MARCHF11: variants seen among roughly 807,000 people sequenced by gnomAD.
MARCHF11 encodes the protein membrane associated ring-CH-type finger 11, also known as E3 ubiquitin-protein ligase MARCHF11.
In MARCHF11, 29 loss-of-function variants were observed where a neutral mutation model predicts 37.3. That is an observed-to-expected ratio of 0.78 (90% confidence interval 0.58 to 1.06). MARCHF11 has a LOEUF of 1.06. MARCHF11 is among the 50% of genes least tolerant of loss of function. The pLI, the probability that MARCHF11 is intolerant of heterozygous loss-of-function variation, is 0.00. For missense variants in MARCHF11, 482 were observed against 533.4 expected (o/e 0.90, Z 0.95); for synonymous variants, 233 against 228.0 (o/e 1.02, Z -0.20).
chr5:16,145,236 A>C (rs2126594226), intron 2 of MARCHF11, among the ~76,000 whole-genome samples: 1 of 152,266 alleles, frequency 6.6e-6, no homozygotes, highest in East Asian at 1.9e-4. Context: ...GTCCCCCAAA[A>C]TTCATGTGTT....
chr5:16,128,020 T>A (rs546580711), intron 2 of MARCHF11, among the ~76,000 whole-genome samples: 1 of 152,324 alleles, frequency 6.6e-6, no homozygotes, highest in South Asian at 2.1e-4. Flanking sequence ...CCAGGAACTC[T>A]GTGCCTGCCC....
At chr5:16,137,813 C>T (rs1737632195) in intron 2 of MARCHF11, among the ~76,000 whole-genome samples, 1 of 152,192 alleles carries the variant, frequency 6.6e-6, no homozygotes, top group Non-Finnish European at 1.5e-5. Context: ...GGCATTTTGC[C>T]CCTGCCCTAG....
At chr5:16,089,833 G>C (rs1012324759) in intron 3 of MARCHF11, among the ~76,000 whole-genome samples, 20 of 151,990 alleles carry the variant, frequency 1.3e-4, no homozygotes, top group African/African-American at 4.8e-4. Context: ...CCTTTATTTA[G>C]ACTTGCATGG....
At chr5:16,137,997 T>C (rs972026268) in intron 2 of MARCHF11, among the ~76,000 whole-genome samples, 2 of 152,154 alleles carry the variant, frequency 1.3e-5, no homozygotes, top group Non-Finnish European at 2.9e-5. Context: ...AAGCAGAGCA[T>C]AAAAGTTCAG....
At chr5:16,076,400 T>C (rs183728527) in intron 3 of MARCHF11, among the ~76,000 whole-genome samples, 1 of 152,346 alleles carries the variant, frequency 6.6e-6, no homozygotes, top group East Asian at 1.9e-4. Flanking sequence ...GATATGTTTT[T>C]TCAATAAAAG....
At chr5:16,087,511 T>A (rs1736718354) in intron 3 of MARCHF11, among the ~76,000 whole-genome samples, 1 of 152,244 alleles carries the variant, frequency 6.6e-6, no homozygotes, top group African/African-American at 2.4e-5. Flanking sequence ...CACTTGTGGC[T>A]ATTTAAATTA....
chr5:16,145,117 G>A (rs1353604856), intron 2 of MARCHF11, among the ~76,000 whole-genome samples: 1 of 152,158 alleles, frequency 6.6e-6, no homozygotes, highest in Non-Finnish European at 1.5e-5. Context: ...TGCACTTACT[G>A]TGTAATTTCA....
In MARCHF11 at chr5:16,067,674, C is replaced by T. The variant is rs1287361551; in HGVS notation, c.1006G>A (p.Gly336Arg). ...KATDIEESSRGESSTSRTLWL... is the reference protein window; with the variant it reads ...KATDIEESSRRESSTSRTLWL... ...AAAGTCCTACTTGTGGAAGACTCTC[C>T]CCGGCTGCTTTCTTCGATGTCTGTG... The change falls in exon 4 of 4, where the codon GGA (glycine) becomes AGA (arginine). Residue 336 changes from glycine (G) to arginine (R), a missense_variant. Physicochemically the swap from Gly to Arg is moderately radical, Grantham distance 125 (BLOSUM62 -2). Transcript: ENST00000332432. 8 of 1,613,918 alleles carry T rather than the reference C, an allele frequency of 5.0e-6. No homozygotes were observed. Among genetic ancestry groups the T allele is most frequent in the Non-Finnish European group, 5.9e-6 (7 of 1,179,866 alleles).
At chr5:16,071,093 A>C (rs1311225238) in intron 3 of MARCHF11, among the ~76,000 whole-genome samples, 1 of 151,626 alleles carries the variant, frequency 6.6e-6, no homozygotes, top group Non-Finnish European at 1.5e-5. Context: ...GCTTTTAAAA[A>C]CTCTGTTAGT....
At chr5:16,082,643 C>T (rs960038216) in intron 3 of MARCHF11, among the ~76,000 whole-genome samples, 1 of 152,140 alleles carries the variant, frequency 6.6e-6, no homozygotes, top group Non-Finnish European at 1.5e-5. Context: ...GAAATGGAAG[C>T]ATTTCCTGCA....
chr5:16,078,543 T>G (rs962387924), intron 3 of MARCHF11, among the ~76,000 whole-genome samples: 1 of 152,192 alleles, frequency 6.6e-6, no homozygotes, highest in African/African-American at 2.4e-5. Flanking sequence ...ACATCCTCAG[T>G]GTTCTGCATG....
intron 2 of MARCHF11, among the ~76,000 whole-genome samples, chr5:16,168,127 G>C (rs555111050): frequency 6.6e-6 from 1 of 152,188 alleles, no homozygotes; most frequent in Non-Finnish European, 1.5e-5. Context: ...GTTTTTACCT[G>C]AAGCTTACTG....
chr5:16,149,661 A>C (rs1176558269), intron 2 of MARCHF11, among the ~76,000 whole-genome samples: 4 of 152,034 alleles, frequency 2.6e-5, no homozygotes, highest in African/African-American at 9.7e-5. Flanking sequence ...CCAGCCATGG[A>C]ATTTGCTTTG....
At chr5:16,171,153 G>T (rs377096364) in intron 2 of MARCHF11, among the ~76,000 whole-genome samples, 41 of 151,808 alleles carry the variant, frequency 2.7e-4, no homozygotes, top group East Asian at 2.5e-3. Flanking sequence ...TGTGCACATT[G>T]TGCAGGTTAG....
intron 2 of MARCHF11, among the ~76,000 whole-genome samples, chr5:16,110,652 G>A (rs982922289): frequency 2.0e-5 from 3 of 152,116 alleles, no homozygotes; most frequent in Admixed American, 6.6e-5. Flanking sequence ...ACACCTAATG[G>A]CCAACATAAT....
At chr5:16,082,532 T>C (rs1349478930) in intron 3 of MARCHF11, among the ~76,000 whole-genome samples, 1 of 152,122 alleles carries the variant, frequency 6.6e-6, no homozygotes, top group Admixed American at 6.6e-5. Flanking sequence ...AGGAGAAGAA[T>C]GTTCCTGTCC....
At chr5:16,109,837 G>A (rs1461454716) in intron 2 of MARCHF11, among the ~76,000 whole-genome samples, 4 of 152,200 alleles carry the variant, frequency 2.6e-5, no homozygotes, top group Non-Finnish European at 2.9e-5. Flanking sequence ...CGGAATTGAA[G>A]AATTGCTTGT....
At chr5:16,078,503 C>T (rs185087787) in intron 3 of MARCHF11, among the ~76,000 whole-genome samples, 283 of 152,038 alleles carry the variant, frequency 1.9e-3, no homozygotes, top group Non-Finnish European at 3.4e-3. Context: ...CAGAGTTTGT[C>T]TCCCCTGCCC....
rs60697548 is a variant in MARCHF11, at chr5:16,161,311, A to G, written c.693+16415T>C. 2.4e-3 allele frequency among the ~76,000 whole-genome samples: 361 copies of G among 151,454 alleles called. 2 individuals are homozygous for G. Among genetic ancestry groups the G allele is most frequent in the African/African-American group, 8.3e-3 (341 of 41,318 alleles). On this transcript the variant is annotated intron_variant, in intron 2 of 3. Transcript: ENST00000332432. ...ATGGAGAGTACTTACCCTAAAAATGATCTGTCTTCCTTCCTGCATGTGTTC... is the reference window on the plus strand; with the variant it reads ...ATGGAGAGTACTTACCCTAAAAATGGTCTGTCTTCCTTCCTGCATGTGTTC...
Sources: gnomAD v4.1 joint callset for allele counts (sites outside exome capture counted in the v4.1 genomes callset) on GRCh38, gnomAD v4.1.1 for gene constraint, MANE v1.5 for transcripts, NCBI Gene and HGNC (gene_info 2026-07-23, HGNC 2026-07-21) for gene names.